SLC9A9: variants seen among roughly 807,000 people sequenced by gnomAD.
The protein encoded by SLC9A9 is solute carrier family 9 member A9, also known as sodium/hydrogen exchanger 9.
A neutral mutation model predicts 77.8 loss-of-function variants in SLC9A9; 62 were observed. The ratio of observed to expected loss-of-function variants is 0.80; its 90% CI spans 0.65 to 0.98. The LOEUF (loss-of-function observed/expected upper bound fraction) is 0.98, where lower values mean the gene tolerates loss of function less well. Ranked by LOEUF, SLC9A9 falls within the 50% of genes least tolerant of loss-of-function variation. The pLI is 0.00. For missense variants in SLC9A9, 775 were observed against 774.9 expected, an observed-to-expected ratio of 1.00 and a Z score of 0.00; for synonymous variants, 320 against 283.5, an observed-to-expected ratio of 1.13 and a Z score of -1.29.
At chr3:143,625,329 A>G (rs963176213) in intron 6 of SLC9A9, among the ~76,000 whole-genome samples, 2 of 152,240 alleles carry the variant, frequency 1.3e-5, no homozygotes, top group African/African-American at 4.8e-5. Flanking sequence ...CCAAAAGAAC[A>G]AAGCTGGAGG....
intron 6 of SLC9A9, among the ~76,000 whole-genome samples, chr3:143,609,025 G>A (rs531599547): frequency 3.0e-4 from 45 of 152,254 alleles, no homozygotes; most frequent in African/African-American, 1.1e-3. Context: ...GACACGGTTC[G>A]TTGTGGGTGG....
rs1341415970 is a variant in SLC9A9 at position 143,517,119 on chromosome 3, A to C, written c.1090-21671T>G. 3.2e-6 allele frequency: 5 copies of C among 1,540,978 alleles called. No individual in the cohort carries two copies. In the African/African-American group the frequency reaches 6.8e-5, roughly 21 times the overall value. On this transcript the variant is annotated intron_variant, in intron 9 of 15. Coordinates refer to ENST00000316549, the MANE Select transcript of SLC9A9 (RefSeq NM_173653.4). ...CAAGGGCTTTATTTATCAGAAGGGC[A>C]TTACGCTTGACCTCCAAATTTGGCT...
chr3:143,542,682 A>G (rs1450923017), intron 9 of SLC9A9, among the ~76,000 whole-genome samples: 1 of 152,242 alleles, frequency 6.6e-6, no homozygotes, highest in Non-Finnish European at 1.5e-5. Flanking sequence ...ATTTAAATTA[A>G]TGCATCATAT....
intron 11 of SLC9A9, among the ~76,000 whole-genome samples, chr3:143,471,126 G>A (rs987791131): frequency 6.6e-6 from 1 of 152,178 alleles, no homozygotes; most frequent in African/African-American, 2.4e-5. Flanking sequence ...TTAGAGATGG[G>A]ATCATCTGTC....
intron 4 of SLC9A9, among the ~76,000 whole-genome samples, chr3:143,710,259 G>C (rs1015850992): frequency 1.3e-5 from 2 of 152,150 alleles, no homozygotes; most frequent in African/African-American, 4.8e-5. Flanking sequence ...GTATCTCAAA[G>C]TATAAAATTC....
Position 143,301,677 on chromosome 3 carries a change from G to A in SLC9A9, c.1605-32697C>T, listed in dbSNP as rs558223981. ...GCCCACAGTGACTCAGGCCTTTGAA[G>A]TAGTATAGGGCACAGTCCCTGTGTT... On this transcript the variant is annotated intron_variant, in intron 14 of 15. Transcript: ENST00000316549. 9.8e-4 allele frequency among the ~76,000 whole-genome samples: 149 copies of A among 152,284 alleles called. 2 individuals are homozygous for A. The highest frequency in any genetic ancestry group is 3.5e-3 in the African/African-American group (147 of 41,544).
rs1449586397 is a variant in SLC9A9, at chr3:143,449,864, TA to T, written c.1469+17172del. Among the ~76,000 whole-genome samples, 10 of 82,108 alleles carry T rather than the reference TA, an allele frequency of 1.2e-4. 1 individual carries two copies. In the South Asian group the frequency reaches 1.2e-3, roughly 10 times the overall value. The allele number at this position is 82,108 out of a possible 152,430, so 53.9% of individuals were successfully genotyped here. On this transcript the variant is annotated intron_variant, in intron 12 of 15. Transcript: ENST00000316549. ...TATTATATATATATAATTATATATA[TA>T]AAATATATAATTATATAAATATATA...
intron 4 of SLC9A9, among the ~76,000 whole-genome samples, chr3:143,790,297 G>C (rs879504453): frequency 6.6e-5 from 10 of 152,132 alleles, no homozygotes; most frequent in Non-Finnish European, 1.2e-4. Flanking sequence ...TGCAACATGA[G>C]AATGGACTAA....
intron 5 of SLC9A9, among the ~76,000 whole-genome samples, chr3:143,687,940 T>G (rs900961225): frequency 6.6e-6 from 1 of 152,080 alleles, no homozygotes; most frequent in African/African-American, 2.4e-5. Context: ...TTTGATACGA[T>G]GCAGATAAGT....
chr3:143,490,400 C>G (rs1187042469), intron 11 of SLC9A9, among the ~76,000 whole-genome samples: 1 of 119,886 alleles, frequency 8.3e-6, no homozygotes, highest in African/African-American at 2.6e-5. Context: ...GGATGTCATG[C>G]TAAGTGAAAT....
chr3:143,819,659 C>T (rs1255434838), intron 2 of SLC9A9, among the ~76,000 whole-genome samples: 2 of 152,126 alleles, frequency 1.3e-5, no homozygotes, highest in Non-Finnish European at 2.9e-5. Context: ...AATACACTGT[C>T]ATTATTATAA....
chr3:143,686,787 GC>G (rs1173419898), intron 5 of SLC9A9, among the ~76,000 whole-genome samples: 1 of 152,160 alleles, frequency 6.6e-6, no homozygotes. Flanking sequence ...TCCTTGACAA[GC>G]TTTGGCTAAT....
At chr3:143,548,671 T>G (rs183635377) in intron 9 of SLC9A9, among the ~76,000 whole-genome samples, 2 of 152,250 alleles carry the variant, frequency 1.3e-5, no homozygotes, top group Admixed American at 1.3e-4. Flanking sequence ...TACTGCTTTT[T>G]GCCTAACACA....
intron 1 of SLC9A9, among the ~76,000 whole-genome samples, chr3:143,834,586 T>TTC (rs1375119430): frequency 6.6e-6 from 1 of 150,796 alleles, no homozygotes; most frequent in African/African-American, 2.4e-5. Context: ...TTTTTTTTTT[T>TTC]TTTTTTACAA....
chr3:143,714,990 G>T (rs181149249), intron 4 of SLC9A9, among the ~76,000 whole-genome samples: 107 of 152,302 alleles, frequency 7.0e-4, no homozygotes, highest in Non-Finnish European at 1.2e-3. Context: ...TTTTAAAAAT[G>T]TGAGTCTCCC....
intron 12 of SLC9A9, among the ~76,000 whole-genome samples, chr3:143,405,607 G>A (rs1264386650): frequency 6.6e-6 from 1 of 152,172 alleles, no homozygotes; most frequent in Non-Finnish European, 1.5e-5. Flanking sequence ...TCATATAGGT[G>A]GGGAAAGGGA....
chr3:143,638,870 T>C (rs967273375), intron 6 of SLC9A9, among the ~76,000 whole-genome samples: 2 of 152,248 alleles, frequency 1.3e-5, no homozygotes, highest in Non-Finnish European at 2.9e-5. Flanking sequence ...TAAGCCTGTC[T>C]TGTAAATTCA....
At chr3:143,676,786 C>T (rs1239909048) in intron 5 of SLC9A9, among the ~76,000 whole-genome samples, 2 of 151,980 alleles carry the variant, frequency 1.3e-5, no homozygotes. Flanking sequence ...AAACCCAGCA[C>T]GTGTCTGAAA....
At position 143,746,418 on chromosome 3, in the gene SLC9A9, A is replaced by G. The variant is rs1935197812; in HGVS notation, c.533+48583T>C. On this transcript the variant is annotated intron_variant, in intron 4 of 15. Coordinates refer to ENST00000316549, the MANE Select transcript of SLC9A9 (RefSeq NM_173653.4). ...TCATAACCCTCACACAGCACTTAATACACTGTATTTTCGTTTACTTAATTG... is the reference window on the plus strand; with the variant it reads ...TCATAACCCTCACACAGCACTTAATGCACTGTATTTTCGTTTACTTAATTG... Among the ~76,000 whole-genome samples the G allele has an allele frequency of 3.9e-5, 6 of 152,196 alleles. No individual in the cohort carries two copies. The South Asian group carries it at 1.2e-3, about 32-fold the overall frequency.
Sources: gnomAD v4.1 joint callset for allele counts (sites outside exome capture counted in the v4.1 genomes callset) on GRCh38, gnomAD v4.1.1 for gene constraint, MANE v1.5 for transcripts, NCBI Gene and HGNC (gene_info 2026-07-23, HGNC 2026-07-21) for gene names.